The following SORCS3 variants were observed in gnomAD, a reference collection of about 807,000 sequenced individuals.
SORCS3 encodes the protein VPS10 domain-containing receptor SorCS3.
SORCS3 carries 57 observed loss-of-function variants against 146.3 expected under a neutral mutation model. The ratio of observed to expected loss-of-function variants is 0.39; its 90% confidence interval spans 0.31 to 0.49. The LOEUF (loss-of-function observed/expected upper bound fraction) is 0.49, where lower values mean the gene tolerates loss of function less well. SORCS3 is among the 20% of genes least tolerant of loss of function. The pLI is 0.92. For synonymous variants in SORCS3, 653 were observed against 618.5 expected, an observed-to-expected ratio of 1.06 and a Z score of -0.83; for missense variants, 1,341 against 1,575.5, an observed-to-expected ratio of 0.85 and a Z score of 2.52.
intron 1 of SORCS3, among the ~76,000 whole-genome samples, chr10:104,746,792 T>G (rs1189558295): frequency 6.6e-6 from 1 of 152,234 alleles, no homozygotes; most frequent in Non-Finnish European, 1.5e-5. Context: ...TTATTTCACT[T>G]AGCATAATGT....
At chr10:105,009,515 CAAACAAACAAACA>C (rs1260403987) in intron 4 of SORCS3, among the ~76,000 whole-genome samples, 1 of 25,958 alleles carries the variant, frequency 3.9e-5, no homozygotes, top group Admixed American at 5.5e-4. Flanking sequence ...AACAAACAAA[CAAACAAACAAACA>C]AAAAAAAAAA....
rs548830802 is a variant in SORCS3 at position 104,834,378 on chromosome 10, C to T, written c.628-8414C>T. On this transcript the variant is annotated intron_variant, in intron 1 of 26. Coordinates refer to ENST00000369701, the MANE Select transcript of SORCS3 (RefSeq NM_014978.3). ...CCTCCAGCTTCATTAACTTGTTGTT[C>T]CTTGGTTACGCTGGGCACATTCCTG... Among the ~76,000 whole-genome samples the T allele has an allele frequency of 1.4e-4, 21 of 152,278 alleles. 1 individual carries two copies. The South Asian group carries it at 4.4e-3, about 32-fold the overall frequency.
At chr10:104,833,284 G>A (rs898151254) in intron 1 of SORCS3, among the ~76,000 whole-genome samples, 1 of 152,184 alleles carries the variant, frequency 6.6e-6, no homozygotes, top group Non-Finnish European at 1.5e-5. Flanking sequence ...GATGAGAGGG[G>A]TGCTGTGCAA....
chr10:104,805,271 T>A (rs1589505738), intron 1 of SORCS3, among the ~76,000 whole-genome samples: 1 of 152,162 alleles, frequency 6.6e-6, no homozygotes, highest in East Asian at 1.9e-4. Flanking sequence ...TAATTCCAGT[T>A]GAAGGGCCTG....
chr10:104,971,672 CAAAAGG>C (rs2054861436), intron 3 of SORCS3, among the ~76,000 whole-genome samples: 1 of 151,776 alleles, frequency 6.6e-6, no homozygotes, highest in Non-Finnish European at 1.5e-5. Flanking sequence ...TGATGATTTT[CAAAAGG>C]AAAAGGAAAA....
At chr10:104,876,838 C>T (rs2496024) in intron 2 of SORCS3, among the ~76,000 whole-genome samples, 105,735 of 147,616 alleles carry the variant, frequency 0.72, 37,994 homozygotes, top group East Asian at 0.88. Flanking sequence ...TTTCTTCTTT[C>T]TCTGCTTTTC....
At chr10:105,215,853 G>A (rs2056661731) in intron 18 of SORCS3, among the ~76,000 whole-genome samples, 1 of 152,110 alleles carries the variant, frequency 6.6e-6, no homozygotes, top group Non-Finnish European at 1.5e-5. Flanking sequence ...CCAAAATGAT[G>A]TATTTCTCTC....
chr10:104,674,804 GATTT>G (rs1356219703), intron 1 of SORCS3, among the ~76,000 whole-genome samples: 3 of 152,120 alleles, frequency 2.0e-5, no homozygotes, highest in Non-Finnish European at 4.4e-5. Context: ...ATGTCTGTGA[GATTT>G]AACCCTGTGG....
intron 1 of SORCS3, among the ~76,000 whole-genome samples, chr10:104,745,886 G>T (rs1454595245): frequency 1.3e-5 from 2 of 152,122 alleles, no homozygotes; most frequent in African/African-American, 4.8e-5. Flanking sequence ...CCAGGTTCTT[G>T]TATGTTGTCA....
At chr10:104,718,844 C>CT (rs770390407) in intron 1 of SORCS3, among the ~76,000 whole-genome samples, 54 of 152,134 alleles carry the variant, frequency 3.5e-4, no homozygotes, top group Non-Finnish European at 5.3e-4. Flanking sequence ...GACTATTTGT[C>CT]TACAGTTATT....
intron 1 of SORCS3, among the ~76,000 whole-genome samples, chr10:104,804,666 T>A (rs1589505491): frequency 6.6e-6 from 1 of 152,182 alleles, no homozygotes; most frequent in East Asian, 1.9e-4. Flanking sequence ...GGAAGTAGGA[T>A]CTTAATGCAT....
chr10:105,033,131 C>A (rs928155916), intron 4 of SORCS3, among the ~76,000 whole-genome samples: 1 of 152,030 alleles, frequency 6.6e-6, no homozygotes, highest in Non-Finnish European at 1.5e-5. Flanking sequence ...AAATACTCTT[C>A]AGTATAAAGA....
intron 9 of SORCS3, among the ~76,000 whole-genome samples, chr10:105,148,182 T>C (rs1363551133): frequency 1.3e-5 from 2 of 152,204 alleles, no homozygotes; most frequent in East Asian, 1.9e-4. Context: ...GTGCTACTTA[T>C]GTGCCTTAAA....
chr10:105,007,505 G>A (rs911629281), intron 4 of SORCS3, among the ~76,000 whole-genome samples: 2 of 152,062 alleles, frequency 1.3e-5, no homozygotes, highest in African/African-American at 4.8e-5. Context: ...CAGAATCCTA[G>A]AAAGCAGAAG....
At chr10:105,250,510 C>A (rs1417865259) in intron 22 of SORCS3, among the ~76,000 whole-genome samples, 1 of 152,162 alleles carries the variant, frequency 6.6e-6, no homozygotes, top group Non-Finnish European at 1.5e-5. Flanking sequence ...TCTGTATACA[C>A]TGCTCCAAGG....
chr10:105,082,102 G>A (rs1470247162), intron 5 of SORCS3, among the ~76,000 whole-genome samples: 1 of 152,218 alleles, frequency 6.6e-6, no homozygotes, highest in Non-Finnish European at 1.5e-5. Context: ...AGCCTGTGAG[G>A]TCAAGCATTG....
At chr10:105,066,811 C>G (rs2055525968) in intron 5 of SORCS3, among the ~76,000 whole-genome samples, 1 of 152,014 alleles carries the variant, frequency 6.6e-6, no homozygotes, top group African/African-American at 2.4e-5. Context: ...TCACCTTAGC[C>G]CCCAGTCCTT....
At chr10:104,867,198 GGAGA>G (rs2018469136) in intron 2 of SORCS3, among the ~76,000 whole-genome samples, 1 of 4,540 alleles carries the variant, frequency 2.2e-4, no homozygotes, top group African/African-American at 5.6e-3. Context: ...GGTGGGCTTG[GGAGA>G]GGAGAGGAGA....
chr10:105,045,336 C>T (rs1176135894), intron 5 of SORCS3, among the ~76,000 whole-genome samples: 1 of 152,156 alleles, frequency 6.6e-6, no homozygotes, highest in Non-Finnish European at 1.5e-5. Flanking sequence ...TGTCTCTTCT[C>T]CACTCTGTGC....
Sources: gnomAD v4.1 joint callset for allele counts (sites outside exome capture counted in the v4.1 genomes callset) on GRCh38, gnomAD v4.1.1 for gene constraint, MANE v1.5 for transcripts, NCBI Gene and HGNC (gene_info 2026-07-23, HGNC 2026-07-21) for gene names.